The following CNOT10 variants were observed in gnomAD, a reference collection of about 807,000 sequenced individuals.
CNOT10 encodes CCR4-NOT transcription complex subunit 10.
Under a neutral mutation model 94.6 loss-of-function variants are expected in CNOT10, and 30 were observed. That is an observed-to-expected ratio of 0.32 (90% CI 0.24 to 0.43). The LOEUF (loss-of-function observed/expected upper bound fraction) is 0.43. Ranked by LOEUF, CNOT10 falls within the 20% of genes least tolerant of loss-of-function variation. CNOT10 has a pLI of 1.00. For missense variants in CNOT10, 759 were observed against 877.2 expected (o/e 0.87, Z 1.70); for synonymous variants, 289 against 301.6 (o/e 0.96, Z 0.43).
intron 13 of CNOT10, among the ~76,000 whole-genome samples, chr3:32,752,523 A>G (rs1002228477): frequency 1.1e-4 from 16 of 152,232 alleles, no homozygotes; most frequent in African/African-American, 3.9e-4. Flanking sequence ...CAGATTTGAT[A>G]AAGATAAAAC....
At chr3:32,691,974 TG>T (rs1386909977) in intron 1 of CNOT10, among the ~76,000 whole-genome samples, 2 of 146,772 alleles carry the variant, frequency 1.4e-5, no homozygotes, top group Non-Finnish European at 3.0e-5. Context: ...CATTTGAGCC[TG>T]GGAGGCAGAG....
At chr3:32,710,659 TG>T (rs1279453779) in intron 4 of CNOT10, among the ~76,000 whole-genome samples, 1 of 152,178 alleles carries the variant, frequency 6.6e-6, no homozygotes, top group East Asian at 1.9e-4. Flanking sequence ...ATCTTTTTAC[TG>T]TCTCTACAGT....
intron 1 of CNOT10, among the ~76,000 whole-genome samples, chr3:32,703,104 T>TTTTC (rs1697441390): frequency 6.7e-6 from 1 of 149,800 alleles, no homozygotes; most frequent in African/African-American, 2.5e-5. Context: ...TTTTGTATTT[T>TTTTC]TAGTAGTGAC....
intron 1 of CNOT10, among the ~76,000 whole-genome samples, chr3:32,701,264 A>G (rs1298587707): frequency 9.0e-6 from 1 of 111,500 alleles, no homozygotes; most frequent in Non-Finnish European, 1.8e-5. Flanking sequence ...AAAAATAAAA[A>G]TGACTAATAT....
At position 32,773,342 on chromosome 3, in the gene CNOT10, CAG is replaced by C; in HGVS notation, c.2081-113_2081-112del. On this transcript the variant is annotated intron_variant, in intron 18 of 18. Transcript: ENST00000328834. The stretch of plus-strand genomic sequence containing the variant: ...GGATTCCAGTATACAGCCAAGGCTG[CAG>C]ATGACAGCTCTTCTAGATCATCTTT... 5.7e-6 allele frequency: 6 copies of C among 1,052,730 alleles called. 1 individual carries two copies. In the South Asian group the frequency reaches 1.0e-4, roughly 18 times the overall value. The allele number at this position is 1,052,730 out of a possible 1,614,324, so 65.2% of individuals were successfully genotyped here. A position where few individuals can be genotyped will look rare whatever the true frequency, so the allele number is the denominator to read the frequency against.
chr3:32,728,654 A>G (rs1197599080), intron 10 of CNOT10, among the ~76,000 whole-genome samples: 3 of 152,134 alleles, frequency 2.0e-5, no homozygotes, highest in African/African-American at 7.2e-5. Context: ...ATTTGTTAAC[A>G]TTCTCATTCT....
At chr3:32,703,170 C>T (rs1697448184) in intron 1 of CNOT10, among the ~76,000 whole-genome samples, 1 of 151,454 alleles carries the variant, frequency 6.6e-6, no homozygotes, top group Admixed American at 6.6e-5. Flanking sequence ...GTGATGTGCC[C>T]GCCTTGGCCT....
chr3:32,719,533 C>T (rs1017670080), intron 7 of CNOT10, among the ~76,000 whole-genome samples: 2 of 152,158 alleles, frequency 1.3e-5, no homozygotes, highest in African/African-American at 4.8e-5. Flanking sequence ...TAGGGTCCTC[C>T]ACCAGGAGGA....
At position 32,759,447 on chromosome 3, in the gene CNOT10, T is replaced by C. The variant is rs1360399577; in HGVS notation, c.1596-11T>C. 6.3e-7 allele frequency: 1 copy of C among 1,587,212 alleles called. No individual in the cohort carries two copies. The highest frequency in any genetic ancestry group is 1.7e-5 in the Admixed American group (1 of 57,148). On this transcript the variant is annotated splice_polypyrimidine_tract_variant and intron_variant, in intron 13 of 18. Transcript: ENST00000328834. ...AATGAGATTTTCGGCCCCTTCCCTTTTGTGTTATAGGTGCTCCATACTTGC... is the reference window on the plus strand; with the variant it reads ...AATGAGATTTTCGGCCCCTTCCCTTCTGTGTTATAGGTGCTCCATACTTGC...
chr3:32,706,311 A>C (rs1273940609), intron 3 of CNOT10, among the ~76,000 whole-genome samples: 2 of 152,210 alleles, frequency 1.3e-5, no homozygotes, highest in Non-Finnish European at 2.9e-5. Context: ...GGTTTTTGAG[A>C]ATAAGTTCAG....
intron 13 of CNOT10, among the ~76,000 whole-genome samples, chr3:32,746,209 A>G (rs917771101): frequency 1.3e-5 from 2 of 152,344 alleles, no homozygotes; most frequent in African/African-American, 2.4e-5. Context: ...AAACGCATCA[A>G]TTTAAGCAGC....
At chr3:32,742,615 C>G (rs1034321791) in intron 13 of CNOT10, among the ~76,000 whole-genome samples, 1 of 152,178 alleles carries the variant, frequency 6.6e-6, no homozygotes, top group Non-Finnish European at 1.5e-5. Flanking sequence ...CTCCTGAGCT[C>G]AAGTGATCTG....
intron 1 of CNOT10, among the ~76,000 whole-genome samples, chr3:32,701,794 T>G (rs967458882): frequency 6.6e-6 from 1 of 152,076 alleles, no homozygotes; most frequent in East Asian, 1.9e-4. Flanking sequence ...TGATAGTTGT[T>G]TTTGTTTGTT....
At chr3:32,703,084 T>TTA (rs1421004892) in intron 1 of CNOT10, among the ~76,000 whole-genome samples, 2 of 149,092 alleles carry the variant, frequency 1.3e-5, no homozygotes, top group Non-Finnish European at 3.0e-5. Flanking sequence ...GCTAATTTTT[T>TTA]TTTTTTTTTT....
chr3:32,685,454 C>G lies in CNOT10; in HGVS notation c.-7C>G, dbSNP rs1449854518. On this transcript the variant is annotated 5_prime_UTR_variant, in exon 1 of 19. Coordinates refer to ENST00000328834, the MANE Select transcript of CNOT10 (RefSeq NM_015442.3). ...CTGCAGGGAAGAACCCGAGTCGAAG[C>G]GGGAAGATGGCTGCAGACAAGCCTG... The G allele has an allele frequency of 5.2e-6, 8 of 1,550,142 alleles. No individual in the cohort carries two copies. The Admixed American group carries it at 1.4e-4, about 27-fold the overall frequency.
chr3:32,716,543 C>T (rs766880546), intron 6 of CNOT10, among the ~76,000 whole-genome samples: 5 of 152,064 alleles, frequency 3.3e-5, no homozygotes, highest in Non-Finnish European at 7.4e-5. Context: ...AGAAATGGCA[C>T]GGGAATGTAC....
chr3:32,719,712 A>C (rs1405270900), intron 7 of CNOT10, among the ~76,000 whole-genome samples: 1 of 152,136 alleles, frequency 6.6e-6, no homozygotes, highest in Non-Finnish European at 1.5e-5. Flanking sequence ...TGTAGGTTCT[A>C]ATGAAAGGTG....
In CNOT10 at chr3:32,773,522, T is replaced by A. The variant is rs1700999957; in HGVS notation, c.2146T>A (p.Ser716Thr). 2 of 1,614,132 alleles carry A rather than the reference T, an allele frequency of 1.2e-6. No individual in the cohort carries two copies. Among genetic ancestry groups the A allele is most frequent in the South Asian group, 2.2e-5 (2 of 91,070 alleles). The change falls in exon 19 of 19, where the codon TCT (serine) becomes ACT (threonine). Residue 716 changes from serine (S) to threonine (T), a missense_variant. Physicochemically the swap from Ser to Thr is moderately conservative, Grantham distance 58. Around this residue, in one of 3 missense-constraint regions of CNOT10, gnomAD observed 73 missense variants for 61.0 expected, o/e 1.20. Transcript: ENST00000328834. Reference protein sequence around the residue: ...NQLLPAVKTHSEVRKKPVFQP... With the variant: ...NQLLPAVKTHTEVRKKPVFQP... ...GCTGCTCCCTGCAGTGAAAACACAC[T>A]CTGAAGTGAGAAAGAAGCCAGTGTT...
rs143945309 is a variant in CNOT10 at position 32,716,258 on chromosome 3, C to A, written c.607C>A (p.His203Asn). 1.9e-6 allele frequency: 3 copies of A among 1,603,312 alleles called. No individual in the cohort carries two copies. Among genetic ancestry groups the A allele is most frequent in the Non-Finnish European group, 1.7e-6 (2 of 1,174,382 alleles). Reference protein sequence around the residue: ...GNNNNKDGSNHKAESGALIEA... With the variant: ...GNNNNKDGSNNKAESGALIEA... ...TAACAACAACAAAGATGGATCTAAT[C>A]ATAAAGCTGAAAGTGGAGCTCTAAT... Residue 203 changes from histidine to asparagine, a missense_variant, in exon 6 of 19, where the codon CAT becomes AAT. Physicochemically the swap from His to Asn is moderately conservative, Grantham distance 68 (BLOSUM62 1). Transcript: ENST00000328834.
Sources: allele counts gnomAD v4.1 joint callset (sites outside exome capture counted in the v4.1 genomes callset), GRCh38; gene constraint gnomAD v4.1.1; regional missense constraint gnomAD v4.1.1; transcripts MANE v1.5; gene names NCBI Gene and HGNC (gene_info 2026-07-23, HGNC 2026-07-21).